AHNAK2: variants seen among roughly 807,000 people sequenced by gnomAD.
AHNAK2 encodes protein AHNAK2.
AHNAK2 carries 18 observed loss-of-function variants against 30.7 expected under a neutral mutation model. The ratio of observed to expected loss-of-function variants is 0.59; its 90% confidence interval spans 0.41 to 0.87. The LOEUF is 0.87. Ranked by LOEUF, AHNAK2 falls within the 40% of genes least tolerant of loss-of-function variation. The probability of loss-of-function intolerance (pLI) is 0.00; values close to 1 mark genes in which losing one functional copy is unlikely to be tolerated. For synonymous variants in AHNAK2, 3,590 were observed against 3,073.8 expected, an observed-to-expected ratio of 1.17 and a Z score of -5.56; for missense variants, 8,604 against 7,373.0, an observed-to-expected ratio of 1.17 and a Z score of -6.11.
Position 104,943,143 on chromosome 14 carries a change from A to G in AHNAK2, c.12308T>C (p.Val4103Ala), listed in dbSNP as rs1471836093. Residue 4103 changes from valine (V) to alanine (A), a missense_variant, in exon 7 of 7, where the codon GTC becomes GCC. Coordinates refer to ENST00000333244, the MANE Select transcript of AHNAK2 (RefSeq NM_138420.4). ...KMSLSSMEVD[V>A]QAPRAKLDGV... Reference sequence around the variant, plus strand: ...ATCCAGCTTTGCTCTCGGGGCCTGGACGTCCACCTCCATGCTGGACAGAGA... The same window carrying G: ...ATCCAGCTTTGCTCTCGGGGCCTGGGCGTCCACCTCCATGCTGGACAGAGA... The G allele has an allele frequency of 1.2e-6, 2 of 1,612,910 alleles. No homozygotes were observed. Among genetic ancestry groups the G allele is most frequent in the African/African-American group, 2.7e-5 (2 of 74,610 alleles).
At chr14:104,957,345 T>G (rs891371525) in intron 3 of AHNAK2, 65 bp downstream of exon 3, 7 of 1,432,730 alleles carry the variant, frequency 4.9e-6, no homozygotes, top group Non-Finnish European at 6.6e-6. Context: ...CATGCGTGAG[T>G]TGCCCACACA....
rs369317688 is a variant in AHNAK2 at position 104,946,141 on chromosome 14, C to A, written c.9310G>T (p.Val3104Leu). 2.5e-6 allele frequency: 4 copies of A among 1,612,450 alleles called. No homozygotes were observed. The highest frequency in any genetic ancestry group is 2.2e-5 in the East Asian group (1 of 44,808). The change falls in exon 7 of 7, where the codon GTG becomes TTG. Residue 3104 changes from valine (V) to leucine (L), a missense_variant. Val to Leu is a conservative substitution (Grantham distance 32). Transcript: ENST00000333244. ...TCCACCTCCATGCCGGGCTGAGACA[C>A]CTCCACGTCGGGGGCCGTCACGTCC... ...KTDVTAPDVE[V>L]SQPGMEVDVE...
chr14:104,940,998 G>C lies in AHNAK2; in HGVS notation c.14453C>G (p.Ala4818Gly). The C allele has an allele frequency of 6.2e-7, 1 of 1,613,376 alleles. No individual in the cohort carries two copies. The highest frequency in any genetic ancestry group is 2.2e-5 in the East Asian group (1 of 44,886). Residue 4818 changes from alanine to glycine, a missense_variant, in exon 7 of 7, where the codon GCT (alanine) becomes GGT (glycine). Coordinates refer to ENST00000333244, the MANE Select transcript of AHNAK2 (RefSeq NM_138420.4). The surrounding 1 kb of genome is among the most constrained non-coding windows in gnomAD (Gnocchi z 4.4). The stretch of plus-strand genomic sequence containing the variant: ...CTCTGTCTTGGGAAGAGGAATATCA[G>C]CCTGAGACCCAGAAGGAATTTCCAG... The part of the protein sequence containing the change: ...LALEIPSGSQ[A>G]DIPLPKTECS...
Position 104,948,006 on chromosome 14 carries a change from C to T in AHNAK2, c.7445G>A (p.Arg2482Lys), listed in dbSNP as rs114755831. 2,518 of 1,610,278 alleles carry T rather than the reference C, an allele frequency of 1.6e-3. 78 individuals are homozygous for T. In the African/African-American group the frequency reaches 0.024, roughly 16 times the overall value. ...ADKDVTTKDS[R>K]FKIPKFKMPS... ...CATCTTGAACTTGGGAATTTTGAAC[C>T]TGCTGTCTTTGGTAGTCACATCCTT... Residue 2482 changes from arginine to lysine, a missense_variant, in exon 7 of 7, where the codon AGG becomes AAG. By Grantham distance (26) the Arg-to-Lys change is conservative. Transcript: ENST00000333244.
At chr14:104,962,210 T>C (rs1794289407) in intron 1 of AHNAK2, among the ~76,000 whole-genome samples, 1 of 152,136 alleles carries the variant, frequency 6.6e-6, no homozygotes, top group African/African-American at 2.4e-5. Context: ...AGCCGGTGCA[T>C]GCTGCTCTCA....
Position 104,945,058 on chromosome 14 carries a change from C to A in AHNAK2, c.10393G>T (p.Asp3465Tyr). Residue 3465 changes from aspartate to tyrosine, a missense_variant, in exon 7 of 7, where the codon GAT becomes TAT. Transcript: ENST00000333244. ...AACTTGCTGTCTTTGGCAGTCACAT[C>A]CTTTTCAGCCAGGGACAGGTCCCCC... is the stretch of plus-strand genomic sequence containing the variant. ...LEGDLSLAEK[D>Y]VTAKDSKFKM... 1.9e-6 allele frequency: 3 copies of A among 1,613,288 alleles called. No individual in the cohort carries two copies. The highest frequency in any genetic ancestry group is 2.5e-6 in the Non-Finnish European group (3 of 1,179,720).
intron 5 of AHNAK2, 80 bp from the exon 6 acceptor site, chr14:104,955,221 G>A (rs2140869056): frequency 1.4e-6 from 2 of 1,480,356 alleles, no homozygotes; most frequent in Non-Finnish European, 9.1e-7. Flanking sequence ...TGGCGAGGAG[G>A]GTCCCGGGGA....
chr14:104,949,774 C>T lies in AHNAK2; in HGVS notation c.5677G>A (p.Glu1893Lys), dbSNP rs1898557215. The T allele has an allele frequency of 6.3e-7, 1 of 1,587,556 alleles. No homozygotes were observed. The highest frequency in any genetic ancestry group is 8.6e-7 in the Non-Finnish European group (1 of 1,163,254). ...QAGQVDMKLP[E>K]GQVPEGAGLK... ...CCGGCTCCCTCGGGCACCTGGCCCT[C>T]CGGGAGCTTCATGTCCACTTGGCCA... Residue 1893 changes from glutamate (E) to lysine (K), a missense_variant, in exon 7 of 7, where the codon GAG becomes AAG. Coordinates refer to ENST00000333244, the MANE Select transcript of AHNAK2 (RefSeq NM_138420.4).
Position 104,938,594 on chromosome 14 carries a change from G to C in AHNAK2, c.16857C>G (p.Ser5619Arg), listed in dbSNP as rs776836557. ...AEILEFPPDD[S>R]QEATTPLADE... ...CTGCCAGTGGTGTGGTTGCCTCTTGGCTATCATCAGGGGGAAACTCAAGAA... is the reference window on the plus strand; with the variant it reads ...CTGCCAGTGGTGTGGTTGCCTCTTGCCTATCATCAGGGGGAAACTCAAGAA... The change falls in exon 7 of 7, where the codon AGC becomes AGG. Residue 5619 changes from serine to arginine, a missense_variant. By Grantham distance (110) the Ser-to-Arg change is moderately radical. Coordinates refer to ENST00000333244, the MANE Select transcript of AHNAK2 (RefSeq NM_138420.4). 10 of 1,613,068 alleles carry C rather than the reference G, an allele frequency of 6.2e-6. No homozygotes were observed. Among genetic ancestry groups the C allele is most frequent in the Non-Finnish European group, 6.8e-6 (8 of 1,179,708 alleles).
At chr14:104,968,318 G>A (rs955373094) in intron 1 of AHNAK2, among the ~76,000 whole-genome samples, 2 of 145,624 alleles carry the variant, frequency 1.4e-5, no homozygotes, top group African/African-American at 2.8e-5. Flanking sequence ...CTGCCTCCCC[G>A]AGAACTGGAC....
Position 104,951,186 on chromosome 14 carries a change from G to A in AHNAK2, c.4265C>T (p.Pro1422Leu), listed in dbSNP as rs765701638. The A allele has an allele frequency of 5.6e-6, 6 of 1,071,374 alleles. 3 individuals carry two copies. Among genetic ancestry groups the A allele is most frequent in the Non-Finnish European group, 8.1e-6 (6 of 739,874 alleles). The allele number at this position is 1,071,374 out of a possible 1,614,324, so 66.4% of individuals were successfully genotyped here. ...PKLQMPSFKVPKVDLKGPEID... is the reference protein window; with the variant it reads ...PKLQMPSFKVLKVDLKGPEID... ...TTCAGGGCCCTTGAGGTCCACTTTG[G>A]GCACCTTGAAACTGGGCATCTGCAG... Residue 1422 changes from proline to leucine, a missense_variant, in exon 7 of 7, where the codon CCC becomes CTC. Physicochemically the swap from Pro to Leu is moderately conservative, Grantham distance 98. Coordinates refer to ENST00000333244, the MANE Select transcript of AHNAK2 (RefSeq NM_138420.4).
Position 104,939,751 on chromosome 14 carries a change from CTT to C in AHNAK2, c.15698_15699del (p.Lys5233ArgfsTer28), listed in dbSNP as rs749422529. ...ATGGEAAAKV[K>X]EFLVSGSNVE... is the part of the protein sequence containing the mutation. ...ACGTTTGACCCAGAAACAAGGAACT[CTT>C]TGACTTTAGCTGCTGCTTCACCCCC... On this transcript the variant is annotated frameshift_variant, in exon 7 of 7. Transcript: ENST00000333244. LOFTEE classifies it low-confidence loss of function (END_TRUNC). 6.2e-7 allele frequency: 1 copy of C among 1,613,772 alleles called. No individual in the cohort carries two copies. Among genetic ancestry groups the C allele is most frequent in the African/African-American group, 1.3e-5 (1 of 74,940 alleles).
At position 104,942,388 on chromosome 14, in the gene AHNAK2, G is replaced by A; in HGVS notation, c.13063C>T (p.Leu4355=). Residue 4355 remains leucine (L), a synonymous_variant, in exon 7 of 7, where the codon CTG becomes TTG. Coordinates refer to ENST00000333244, the MANE Select transcript of AHNAK2 (RefSeq NM_138420.4). The part of the protein sequence containing the change: ...HLSIQPPSAD[L]EVQAGQEDVK... ...TCCTCTTGGCCAGCCTGGACCTCCA[G>A]ATCAGCGGAAGGGGGCTGAATGCTG... The A allele has an allele frequency of 6.2e-7, 1 of 1,613,124 alleles. No individual in the cohort carries two copies. The highest frequency in any genetic ancestry group is 8.5e-7 in the Non-Finnish European group (1 of 1,179,686).
rs1315828921 is a variant in AHNAK2, at chr14:104,949,294, C to T, written c.6157G>A (p.Asp2053Asn). The T allele has an allele frequency of 4.7e-6, 5 of 1,064,978 alleles. 1 individual carries two copies. The highest frequency in any genetic ancestry group is 2.2e-5 in the Admixed American group (1 of 46,448). The allele number at this position is 1,064,978 out of a possible 1,614,324, so 66.0% of individuals were successfully genotyped here. A position where few individuals can be genotyped will look rare whatever the true frequency, so the allele number is the denominator to read the frequency against. Residue 2053 changes from aspartate (D) to asparagine (N), a missense_variant, in exon 7 of 7, where the codon GAT becomes AAT. Physicochemically the swap from Asp to Asn is conservative, Grantham distance 23 (BLOSUM62 1). Coordinates refer to ENST00000333244, the MANE Select transcript of AHNAK2 (RefSeq NM_138420.4). ...ACGTGGCCCTCCGGGAGCTTCACAT[C>T]CACCTGGCCAGTCTGGACCTTCAGG... is the stretch of plus-strand genomic sequence containing the variant. ...ADLKVQTGQVDVKLPEGHVPE... is the reference protein window; with the variant it reads ...ADLKVQTGQVNVKLPEGHVPE...
chr14:104,970,523 C>G (rs1303955248), intron 1 of AHNAK2: 1 of 985,702 alleles, frequency 1.0e-6, no homozygotes, highest in Non-Finnish European at 1.2e-6. Flanking sequence ...CCTCCCCCTG[C>G]CACGCCCGGT....
At chr14:104,964,177 G>T (rs1899235356) in intron 1 of AHNAK2, among the ~76,000 whole-genome samples, 1 of 152,192 alleles carries the variant, frequency 6.6e-6, no homozygotes. Flanking sequence ...ATATGGGCAA[G>T]AAAACACTGG....
rs778615968 is a variant in AHNAK2, at chr14:104,951,213, T to C, written c.4238A>G (p.Lys1413Arg). The C allele has an allele frequency of 1.0e-5, 11 of 1,067,376 alleles. 3 individuals carry two copies. In the African/African-American group the frequency reaches 1.6e-4, roughly 15 times the overall value. The allele number at this position is 1,067,376 out of a possible 1,614,324, so 66.1% of individuals were successfully genotyped here. A position where few individuals can be genotyped will look rare whatever the true frequency, so the allele number is the denominator to read the frequency against. Reference sequence around the variant, plus strand: ...CACCTTGAAACTGGGCATCTGCAGCTTGGGCAGGTGCCCTTTGAGGCCGGC... The same window carrying C: ...CACCTTGAAACTGGGCATCTGCAGCCTGGGCAGGTGCCCTTTGAGGCCGGC... ...EGAGLKGHLPKLQMPSFKVPK... is the reference protein window; with the variant it reads ...EGAGLKGHLPRLQMPSFKVPK... The change falls in exon 7 of 7, where the codon AAG becomes AGG. Residue 1413 changes from lysine (K) to arginine (R), a missense_variant. Lys to Arg is a conservative substitution (Grantham distance 26, BLOSUM62 2). Transcript: ENST00000333244.
Position 104,966,281 on chromosome 14 carries a change from C to A in AHNAK2, c.56-8609G>T, listed in dbSNP as rs958228664. Reference sequence around the variant, plus strand: ...GGCCCAGACCCCTGGCCTCCATAACCCCCCAGCAGAGCCACAACCTCCGTT... The same window carrying A: ...GGCCCAGACCCCTGGCCTCCATAACACCCCAGCAGAGCCACAACCTCCGTT... On this transcript the variant is annotated intron_variant, in intron 1 of 6. Coordinates refer to ENST00000333244, the MANE Select transcript of AHNAK2 (RefSeq NM_138420.4). This position sits in a 1 kb window ranked among gnomAD's most constrained non-coding sequence, Gnocchi z 4.3. 6.6e-6 allele frequency among the ~76,000 whole-genome samples: 1 copy of A among 152,114 alleles called. No individual in the cohort carries two copies. The highest frequency in any genetic ancestry group is 2.4e-5 in the African/African-American group (1 of 41,414).
At chr14:104,968,340 A>C (rs1214274852) in intron 1 of AHNAK2, among the ~76,000 whole-genome samples, 2 of 152,096 alleles carry the variant, frequency 1.3e-5, no homozygotes, top group African/African-American at 2.4e-5. Context: ...ATCCTGGCGC[A>C]GGGCCTGAGC....
Sources: gnomAD v4.1 joint callset for allele counts (sites outside exome capture counted in the v4.1 genomes callset) on GRCh38, gnomAD v4.1.1 for gene constraint, Gnocchi (gnomAD v3.1) non-coding constraint, MANE v1.5 for transcripts, NCBI Gene and HGNC (gene_info 2026-07-23, HGNC 2026-07-21) for gene names.